Variants in IL2RA observed in about 807,000 individuals in gnomAD.
IL2RA encodes the protein interleukin-2 receptor subunit alpha.
IL2RA carries 24 observed loss-of-function variants against 37.8 expected under a neutral mutation model. The observed-to-expected ratio is 0.63, with a 90% CI of 0.46 to 0.89. The LOEUF is 0.89. Ranked by LOEUF, IL2RA falls within the 40% of genes least tolerant of loss-of-function variation. The pLI is 0.00. For synonymous variants in IL2RA, 125 were observed against 114.6 expected (o/e 1.09, Z -0.58); for missense variants, 319 against 348.6 (o/e 0.92, Z 0.68).
In IL2RA at chr10:6,044,466, G is replaced by A. The variant is rs770826280; in HGVS notation, c.64+17622C>T. Among the ~76,000 whole-genome samples, 1 of 152,186 alleles carries A rather than the reference G, an allele frequency of 6.6e-6. No homozygotes were observed. The highest frequency in any genetic ancestry group is 1.5e-5 in the Non-Finnish European group (1 of 68,020). On this transcript the variant is annotated intron_variant, in intron 1 of 7. Coordinates refer to ENST00000379959, the MANE Select transcript of IL2RA (RefSeq NM_000417.3). The surrounding 1 kb of genome is among the most constrained non-coding windows in gnomAD (Gnocchi z 4.5). ...TGCAGAAATTTCTAGGGAAGGGGTA[G>A]TAACTTTTGGGTCATCCGGTCACTG...
rs1191171742 is a variant in IL2RA, at chr10:6,025,857, T to G, written c.233A>C (p.Asn78Thr). 2.5e-6 allele frequency: 4 copies of G among 1,614,122 alleles called. No homozygotes were observed. The highest frequency in any genetic ancestry group is 3.4e-6 in the Non-Finnish European group (4 of 1,180,036). ...TGNSSHSSWD[N>T]QCQCTSSATR... ...ACCAGAGCTTGTGCATTGACATTGG[T>G]TGTCCCAGGACGAGTGGCTAGAGTT... The change falls in exon 2 of 8, where the codon AAC becomes ACC. Residue 78 changes from asparagine (N) to threonine (T), a missense_variant. By Grantham distance (65) the Asn-to-Thr change is moderately conservative. Transcript: ENST00000379959. This position sits in a 1 kb window ranked among gnomAD's most constrained non-coding sequence, Gnocchi z 4.4.
chr10:6,062,252 G>T lies in IL2RA; in HGVS notation c.-101C>A. ...TCTTTTTGGCATCGCGCCGGAGGAT[G>T]TGGGATGGGAAGATCGGTCCGCCTG... On this transcript the variant is annotated 5_prime_UTR_variant, in exon 1 of 8. Transcript: ENST00000379959. 2 of 996,300 alleles carry T rather than the reference G, an allele frequency of 2.0e-6. No homozygotes were observed. The highest frequency in any genetic ancestry group is 3.2e-6 in the Non-Finnish European group (2 of 628,112). The allele number at this position is 996,300 out of a possible 1,614,324, so 61.7% of individuals were successfully genotyped here. A position where few individuals can be genotyped will look rare whatever the true frequency, so the allele number is the denominator to read the frequency against.
Position 6,019,489 on chromosome 10 carries a change from T to C in IL2RA, c.666A>G (p.Ile222Met). ...SCLVTTTDFQ[I>M]QTEMAATMET... is the part of the protein sequence containing the mutation. ...CCATGGTTGCAGCCATTTCTGTCTGTATTTGAAAATCTGTGAAAAAGAGAT... is the reference window on the plus strand; with the variant it reads ...CCATGGTTGCAGCCATTTCTGTCTGCATTTGAAAATCTGTGAAAAAGAGAT... The change falls in exon 6 of 8, where the codon ATA becomes ATG. Residue 222 changes from isoleucine (I) to methionine (M), a missense_variant. By Grantham distance (10) the Ile-to-Met change is conservative (BLOSUM62 1). Transcript: ENST00000379959. The C allele has an allele frequency of 6.2e-7, 1 of 1,612,802 alleles. No homozygotes were observed. Among genetic ancestry groups the C allele is most frequent in the Non-Finnish European group, 8.5e-7 (1 of 1,178,722 alleles).
At chr10:6,038,944 A>C (rs907509571) in intron 1 of IL2RA, among the ~76,000 whole-genome samples, 9 of 152,364 alleles carry the variant, frequency 5.9e-5, no homozygotes, top group Admixed American at 4.6e-4. Flanking sequence ...GAAGGTAAAA[A>C]ATAAAGAACA....
intron 1 of IL2RA, among the ~76,000 whole-genome samples, chr10:6,040,874 AT>A (rs1468708928): frequency 6.6e-6 from 1 of 152,240 alleles, no homozygotes; most frequent in African/African-American, 2.4e-5. Flanking sequence ...TATTAGAACT[AT>A]TAAGAGTTTC....
chr10:6,031,508 ATATGTATATATATG>A (rs1839591045), intron 1 of IL2RA, among the ~76,000 whole-genome samples: 1 of 68,892 alleles, frequency 1.5e-5, no homozygotes, highest in African/African-American at 5.4e-5. Flanking sequence ...ATATATATAT[ATATGTATATATATG>A]TATATATATA....
rs1839208614 is a variant in IL2RA at position 6,012,699 on chromosome 10, A to G, written c.*173T>C. On this transcript the variant is annotated 3_prime_UTR_variant, in exon 8 of 8. Coordinates refer to ENST00000379959, the MANE Select transcript of IL2RA (RefSeq NM_000417.3). The surrounding 1 kb of genome is among the most constrained non-coding windows in gnomAD (Gnocchi z 4.8). ...GATGGGACTGAGCTGGCATAGAGAC[A>G]AGGTTGCCACTGCCCCGTGTCCTGT... is the stretch of plus-strand genomic sequence containing the variant. 1 of 703,560 alleles carries G rather than the reference A, an allele frequency of 1.4e-6. No homozygotes were observed. Among genetic ancestry groups the G allele is most frequent in the East Asian group, 2.7e-5 (1 of 37,544 alleles). The allele number at this position is 703,560 out of a possible 1,614,324, so 43.6% of individuals were successfully genotyped here.
In IL2RA at chr10:6,022,028, C is replaced by T; in HGVS notation, c.368-335G>A. Among the ~76,000 whole-genome samples, 1 of 151,916 alleles carries T rather than the reference C, an allele frequency of 6.6e-6. No homozygotes were observed. The highest frequency in any genetic ancestry group is 3.2e-3 in the Middle Eastern group (1 of 316). On this transcript the variant is annotated intron_variant, in intron 3 of 7. Coordinates refer to ENST00000379959, the MANE Select transcript of IL2RA (RefSeq NM_000417.3). This position sits in a 1 kb window ranked among gnomAD's most constrained non-coding sequence, Gnocchi z 4.7. ...CCCGAGACAGGAACGCCACAACTGC[C>T]TCTTGGAAGACAGTGCAGGTGTTGA...
rs746484331 is a variant in IL2RA at position 6,021,443 on chromosome 10, G to C, written c.583+35C>G. On this transcript the variant is annotated intron_variant, in intron 4 of 7. Transcript: ENST00000379959. The surrounding 1 kb of genome is among the most constrained non-coding windows in gnomAD (Gnocchi z 4.9). The stretch of plus-strand genomic sequence containing the variant: ...ACTCTGGTCAGCCTGATGGAGCAAA[G>C]CAACATTGTGGACCCCAGAAGGGAG... 8.3e-6 allele frequency: 13 copies of C among 1,568,178 alleles called. No homozygotes were observed. The East Asian group carries it at 2.9e-4, about 35-fold the overall frequency.
intron 1 of IL2RA, among the ~76,000 whole-genome samples, chr10:6,034,871 G>A (rs1839655834): frequency 6.6e-6 from 1 of 152,202 alleles, no homozygotes; most frequent in Non-Finnish European, 1.5e-5. Context: ...GAGGCAGACA[G>A]AATTTTCCTT....
rs927442797 is a variant in IL2RA at position 6,014,970 on chromosome 10, G to A, written c.795-2074C>T. Among the ~76,000 whole-genome samples the A allele has an allele frequency of 3.3e-5, 5 of 152,152 alleles. No homozygotes were observed. Among genetic ancestry groups the A allele is most frequent in the Non-Finnish European group, 7.4e-5 (5 of 68,016 alleles). On this transcript the variant is annotated intron_variant, in intron 7 of 7. Coordinates refer to ENST00000379959, the MANE Select transcript of IL2RA (RefSeq NM_000417.3). The surrounding 1 kb of genome is among the most constrained non-coding windows in gnomAD (Gnocchi z 4.4). ...TGTATTTTCTCAGGGTCTTACTGTG[G>A]AGTTTGTATCAGGGTTGGCCAGAGT...
rs1236737811 is a variant in IL2RA at position 6,021,200 on chromosome 10, A to T, written c.583+278T>A. On this transcript the variant is annotated intron_variant, in intron 4 of 7. Coordinates refer to ENST00000379959, the MANE Select transcript of IL2RA (RefSeq NM_000417.3). This position sits in a 1 kb window ranked among gnomAD's most constrained non-coding sequence, Gnocchi z 4.9. Reference sequence around the variant, plus strand: ...TAGGACCAACTACGAGGCAGCATCTAGGGTGCTTAGGAGAGGGCTTTCCTT... The same window carrying T: ...TAGGACCAACTACGAGGCAGCATCTTGGGTGCTTAGGAGAGGGCTTTCCTT... 1.3e-5 allele frequency among the ~76,000 whole-genome samples: 2 copies of T among 152,110 alleles called. No homozygotes were observed. The highest frequency in any genetic ancestry group is 1.3e-4 in the Admixed American group (2 of 15,260).
intron 7 of IL2RA, among the ~76,000 whole-genome samples, chr10:6,017,420 A>G (rs1054280704): frequency 6.6e-6 from 1 of 152,028 alleles, no homozygotes; most frequent in African/African-American, 2.4e-5. Context: ...CATCTTCTCC[A>G]AGCTGTTGCA....
intron 1 of IL2RA, among the ~76,000 whole-genome samples, chr10:6,041,558 TA>T (rs988629254): frequency 6.6e-6 from 1 of 152,142 alleles, no homozygotes; most frequent in African/African-American, 2.4e-5. Flanking sequence ...TAATGGTTAA[TA>T]AAAGTTCAAA....
chr10:6,032,124 A>G (rs1331939738), intron 1 of IL2RA, among the ~76,000 whole-genome samples: 1 of 148,058 alleles, frequency 6.8e-6, no homozygotes, highest in African/African-American at 2.5e-5. Flanking sequence ...TTTTCGACAA[A>G]TGCTTCTGGA....
chr10:6,034,649 T>C (rs564047469), intron 1 of IL2RA, among the ~76,000 whole-genome samples: 1 of 152,360 alleles, frequency 6.6e-6, no homozygotes, highest in East Asian at 1.9e-4. Context: ...CCTCATTCTC[T>C]AGTTTTACTC....
At position 6,025,079 on chromosome 10, in the gene IL2RA, CA is replaced by C. The variant is rs1039503467; in HGVS notation, c.257-726del. Among the ~76,000 whole-genome samples, 1 of 152,040 alleles carries C rather than the reference CA, an allele frequency of 6.6e-6. No homozygotes were observed. Among genetic ancestry groups the C allele is most frequent in the Admixed American group, 6.5e-5 (1 of 15,270 alleles). The stretch of plus-strand genomic sequence containing the variant: ...GAAACCCCATCACTAACAAAAAATA[CA>C]AAATATTAGCCAGGCATGGTGGTGT... On this transcript the variant is annotated intron_variant, in intron 2 of 7. Transcript: ENST00000379959. This position sits in a 1 kb window ranked among gnomAD's most constrained non-coding sequence, Gnocchi z 4.4.
rs2228149 is a variant in IL2RA, at chr10:6,021,545, G to A, written c.516C>T (p.His172=). The A allele has an allele frequency of 0.044, 71,713 of 1,613,992 alleles. 2,904 individuals are homozygous for A. The highest frequency in any genetic ancestry group is 0.22 in the Admixed American group (12,911 of 60,004). The change falls in exon 4 of 8, where the codon CAC becomes CAT. Residue 172 remains histidine (H), a synonymous_variant. Transcript: ENST00000379959. This position sits in a 1 kb window ranked among gnomAD's most constrained non-coding sequence, Gnocchi z 4.9. ...GPAESVCKMT[H]GKTRWTQPQL... is the part of the protein sequence containing the mutation. ...GGGGCTGGGTCCACCTTGTCTTCCC[G>A]TGGGTCATTTTGCAGACGCTCTCAG...
intron 1 of IL2RA, among the ~76,000 whole-genome samples, chr10:6,051,720 A>G (rs914955299): frequency 7.7e-5 from 11 of 142,844 alleles, no homozygotes; most frequent in African/African-American, 2.8e-4. Context: ...GGGTTTCACC[A>G]TGTTGGTCAG....
Sources: gnomAD v4.1 joint callset for allele counts (sites outside exome capture counted in the v4.1 genomes callset) on GRCh38, gnomAD v4.1.1 for gene constraint, Gnocchi (gnomAD v3.1) non-coding constraint, MANE v1.5 for transcripts, NCBI Gene and HGNC (gene_info 2026-07-23, HGNC 2026-07-21) for gene names.